CMIP: variants seen among roughly 807,000 people sequenced by gnomAD.
The protein encoded by CMIP is c-Maf inducing protein.
In CMIP, 13 loss-of-function variants were observed where a neutral mutation model predicts 97.3. The observed-to-expected ratio is 0.13, with a 90% CI of 0.09 to 0.21. The LOEUF is 0.21. Among genes scored for constraint, CMIP ranks in the 10% least tolerant of loss-of-function variants. The pLI, the probability that CMIP is intolerant of heterozygous loss-of-function variation, is 1.00. For missense variants in CMIP, 847 were observed against 1,024.9 expected (o/e 0.83, Z 2.37); for synonymous variants, 538 against 436.3 (o/e 1.23, Z -2.91).
chr16:81,572,816 G>C (rs1597103243), intron 1 of CMIP, among the ~76,000 whole-genome samples: 1 of 152,128 alleles, frequency 6.6e-6, no homozygotes, highest in Non-Finnish European at 1.5e-5. Context: ...CATCGAGCTT[G>C]GTGCCCACCC....
chr16:81,592,289 C>T (rs1567598597), intron 1 of CMIP, among the ~76,000 whole-genome samples: 1 of 152,196 alleles, frequency 6.6e-6, no homozygotes, highest in African/African-American at 2.4e-5. Context: ...CTGTCTCAGG[C>T]CCCTGCCTGA....
chr16:81,679,880 T>C (rs1319849989), intron 10 of CMIP, among the ~76,000 whole-genome samples: 1 of 152,158 alleles, frequency 6.6e-6, no homozygotes, highest in East Asian at 1.9e-4. Flanking sequence ...ACTGTTCCCT[T>C]CTGCCCCCCA....
chr16:81,684,273 G>T (rs1329931232), intron 10 of CMIP, among the ~76,000 whole-genome samples: 1 of 152,252 alleles, frequency 6.6e-6, no homozygotes, highest in Non-Finnish European at 1.5e-5. Flanking sequence ...TCAAATCCCC[G>T]AGCTAGCTGG....
intron 6 of CMIP, 57 bp from the exon 7 acceptor site, chr16:81,664,212 G>A (rs923682374): frequency 9.9e-6 from 15 of 1,509,758 alleles, no homozygotes; most frequent in East Asian, 5.0e-5. Context: ...TAGCAGCCAC[G>A]GGCTGTGTTC....
At chr16:81,685,572 A>C (rs992202893) in intron 10 of CMIP, among the ~76,000 whole-genome samples, 5 of 151,770 alleles carry the variant, frequency 3.3e-5, no homozygotes, top group African/African-American at 1.2e-4. Flanking sequence ...TCATTTTTTG[A>C]GATACTCTGT....
chr16:81,572,166 G>A (rs796236203), intron 1 of CMIP, among the ~76,000 whole-genome samples: 50 of 152,344 alleles, frequency 3.3e-4, no homozygotes, highest in African/African-American at 1.2e-3. Flanking sequence ...CTTCAGCTCC[G>A]CGTCTGAAGC....
At chr16:81,521,564 T>C (rs1215283630) in intron 1 of CMIP, among the ~76,000 whole-genome samples, 2 of 152,156 alleles carry the variant, frequency 1.3e-5, no homozygotes, top group Non-Finnish European at 2.9e-5. Flanking sequence ...GTGCGTCACC[T>C]GAGGGGAGGG....
intron 10 of CMIP, among the ~76,000 whole-genome samples, chr16:81,683,124 G>T (rs1905040308): frequency 6.6e-6 from 1 of 152,098 alleles, no homozygotes; most frequent in Admixed American, 6.5e-5. Context: ...ATGCCATACT[G>T]GTCCCTGTAC....
chr16:81,704,759 A>C, intron 18 of CMIP, among the ~76,000 whole-genome samples: 1 of 99,464 alleles, frequency 1.0e-5, no homozygotes, highest in Non-Finnish European at 2.1e-5. Flanking sequence ...CCCTGCCTAC[A>C]CCCCAGGCAT....
chr16:81,675,710 T>G (rs539545985), intron 9 of CMIP, among the ~76,000 whole-genome samples: 1 of 152,220 alleles, frequency 6.6e-6, no homozygotes, highest in Non-Finnish European at 1.5e-5. Flanking sequence ...GGAAATCCAG[T>G]GTGACTAGAG....
At chr16:81,546,152 G>T (rs1194436554) in intron 1 of CMIP, among the ~76,000 whole-genome samples, 8 of 152,134 alleles carry the variant, frequency 5.3e-5, no homozygotes, top group African/African-American at 4.8e-5. Flanking sequence ...GAAACCTCGT[G>T]GGGGCATCCT....
At chr16:81,562,366 C>A (rs1255813938) in intron 1 of CMIP, among the ~76,000 whole-genome samples, 1 of 152,244 alleles carries the variant, frequency 6.6e-6, no homozygotes, top group Non-Finnish European at 1.5e-5. Flanking sequence ...CAAGGGGGCC[C>A]TGTTTACAAG....
chr16:81,478,661 G>C (rs62043950), intron 1 of CMIP, among the ~76,000 whole-genome samples: 25,756 of 152,186 alleles, frequency 0.17, 2,762 homozygotes, highest in Non-Finnish European at 0.24. Flanking sequence ...AGCCACCCCA[G>C]AGCCTCCCGG....
rs958425811 is a variant in CMIP at position 81,711,319 on chromosome 16, G to A, written c.*1520G>A. 6 of 151,084 alleles carry A rather than the reference G, an allele frequency of 4.0e-5. No individual in the cohort carries two copies. The highest frequency in any genetic ancestry group is 2.0e-4 in the East Asian group (1 of 5,094). The allele number at this position is 151,084 out of a possible 1,614,324, so 9.4% of individuals were successfully genotyped here. A position where few individuals can be genotyped will look rare whatever the true frequency, so the allele number is the denominator to read the frequency against. ...ATTCAATGGAAACCATGCTTTTGTC[G>A]TTTTATACTTTGCTAGGTAGACTTT... On this transcript the variant is annotated 3_prime_UTR_variant, in exon 21 of 21. Coordinates refer to ENST00000537098, the MANE Select transcript of CMIP (RefSeq NM_198390.3).
chr16:81,509,024 A>G (rs541508001), intron 1 of CMIP, among the ~76,000 whole-genome samples: 2 of 152,326 alleles, frequency 1.3e-5, no homozygotes, highest in African/African-American at 4.8e-5. Context: ...CCTTAGCCTT[A>G]AGAGCAGCAG....
At chr16:81,492,857 G>C (rs1023951093) in intron 1 of CMIP, among the ~76,000 whole-genome samples, 2 of 152,052 alleles carry the variant, frequency 1.3e-5, no homozygotes, top group Admixed American at 6.6e-5. Flanking sequence ...AGTGGGTTAC[G>C]GGGAGCTGTG....
At chr16:81,538,278 T>C (rs2090384373) in intron 1 of CMIP, among the ~76,000 whole-genome samples, 1 of 152,148 alleles carries the variant, frequency 6.6e-6, no homozygotes, top group African/African-American at 2.4e-5. Flanking sequence ...ACTCATAAAG[T>C]AGAGACACTT....
chr16:81,681,757 G>A (rs191743597), intron 10 of CMIP, among the ~76,000 whole-genome samples: 3 of 152,338 alleles, frequency 2.0e-5, no homozygotes, highest in African/African-American at 7.2e-5. Context: ...GCAGCCGTGG[G>A]CCTGAGCTGC....
intron 6 of CMIP, among the ~76,000 whole-genome samples, chr16:81,662,963 A>G (rs549971335): frequency 3.2e-4 from 48 of 152,294 alleles, no homozygotes; most frequent in African/African-American, 1.1e-3. Context: ...TTAGCTTTAC[A>G]GAAGTCTCAT....
Sources: allele counts gnomAD v4.1 joint callset (sites outside exome capture counted in the v4.1 genomes callset), GRCh38; gene constraint gnomAD v4.1.1; transcripts MANE v1.5; gene names NCBI Gene and HGNC (gene_info 2026-07-23, HGNC 2026-07-21).